Variants in CRAMP1 observed in about 807,000 individuals in gnomAD.
The protein encoded by CRAMP1 is protein cramped-like.
CRAMP1 carries 50 observed loss-of-function variants against 115.4 expected under a neutral mutation model. The ratio of observed to expected loss-of-function variants is 0.43; its 90% CI spans 0.35 to 0.55. The LOEUF is 0.55. Ranked by LOEUF, CRAMP1 falls within the 20% of genes least tolerant of loss-of-function variation. The pLI, the probability that CRAMP1 is intolerant of heterozygous loss-of-function variation, is 0.01. For missense variants in CRAMP1, 1,679 were observed against 1,721.7 expected, an observed-to-expected ratio of 0.98 and a Z score of 0.44; for synonymous variants, 866 against 745.4, an observed-to-expected ratio of 1.16 and a Z score of -2.64.
At chr16:1,646,803 C>G (rs1026212360) in intron 6 of CRAMP1, among the ~76,000 whole-genome samples, 8 of 152,206 alleles carry the variant, frequency 5.3e-5, no homozygotes, top group African/African-American at 1.9e-4. Context: ...ACATTTAAAT[C>G]CATGATCTGC....
chr16:1,642,072 C>G (rs1456401648), intron 6 of CRAMP1, among the ~76,000 whole-genome samples: 1 of 152,226 alleles, frequency 6.6e-6, no homozygotes, highest in Non-Finnish European at 1.5e-5. Context: ...GCTGACTGCT[C>G]TCAGTTCACT....
chr16:1,640,642 A>G (rs1359401701), intron 5 of CRAMP1, among the ~76,000 whole-genome samples: 3 of 152,042 alleles, frequency 2.0e-5, no homozygotes, highest in Non-Finnish European at 4.4e-5. Flanking sequence ...GCTCCAGGAA[A>G]CTCAGAGGGT....
chr16:1,636,696 T>A (rs536779188), intron 4 of CRAMP1, among the ~76,000 whole-genome samples: 54 of 152,328 alleles, frequency 3.5e-4, no homozygotes, highest in African/African-American at 1.2e-3. Context: ...TTAGGTCTGG[T>A]GTAATACAGT....
intron 3 of CRAMP1, among the ~76,000 whole-genome samples, chr16:1,631,024 A>G (rs1205807147): frequency 1.3e-5 from 2 of 152,008 alleles, no homozygotes; most frequent in Non-Finnish European, 2.9e-5. Flanking sequence ...AGGCTGTGTA[A>G]ATACCGTGTT....
intron 2 of CRAMP1, among the ~76,000 whole-genome samples, chr16:1,623,769 T>A (rs1041695141): frequency 6.6e-6 from 1 of 152,242 alleles, no homozygotes; most frequent in Non-Finnish European, 1.5e-5. Context: ...AAATGGCATC[T>A]GTACCTGTCC....
intron 1 of CRAMP1, among the ~76,000 whole-genome samples, 84 bp downstream of exon 1, chr16:1,612,741 G>A (rs971903240): frequency 5.9e-5 from 9 of 152,152 alleles, no homozygotes; most frequent in Non-Finnish European, 1.2e-4. Context: ...CGCGGGGGGG[G>A]CGTCGCTTCC....
chr16:1,636,986 GC>G (rs1233659061), intron 4 of CRAMP1, among the ~76,000 whole-genome samples: 1 of 152,162 alleles, frequency 6.6e-6, no homozygotes, highest in Non-Finnish European at 1.5e-5. Context: ...CAGCCTGTTT[GC>G]CTCCCAAATA....
Position 1,672,285 on chromosome 16 carries a change from G to A in CRAMP1, c.3645+1476G>A, listed in dbSNP as rs79778317. Among the ~76,000 whole-genome samples the A allele has an allele frequency of 0.022, 3,381 of 152,280 alleles. 234 individuals carry two copies. Among genetic ancestry groups the A allele is most frequent in the Admixed American group, 0.13 (1,972 of 15,294 alleles). Reference sequence around the variant, plus strand: ...AGTTAGTATTTGTGAAACGCTGCCCGTCGCGAGTAATGCAAACGTGTTCAC... The same window carrying A: ...AGTTAGTATTTGTGAAACGCTGCCCATCGCGAGTAATGCAAACGTGTTCAC... On this transcript the variant is annotated intron_variant, in intron 20 of 20. Coordinates refer to ENST00000397412, the MANE Select transcript of CRAMP1 (RefSeq NM_020825.4). The surrounding 1 kb of genome is among the most constrained non-coding windows in gnomAD (Gnocchi z 4.9).
chr16:1,673,698 TAAAGA>T (rs1361798540), intron 20 of CRAMP1, among the ~76,000 whole-genome samples, 178 bp from the exon 21 acceptor site: 1 of 152,176 alleles, frequency 6.6e-6, no homozygotes, highest in Admixed American at 6.5e-5. Flanking sequence ...AGCACTTATC[TAAAGA>T]GTGTGCGGGC....
intron 5 of CRAMP1, among the ~76,000 whole-genome samples, chr16:1,638,360 C>T (rs2036605264): frequency 6.6e-6 from 1 of 152,224 alleles, no homozygotes; most frequent in Non-Finnish European, 1.5e-5. Flanking sequence ...TCAGTCAGGG[C>T]TTCTGTCAAG....
chr16:1,658,009 C>T (rs2036790698), intron 10 of CRAMP1, among the ~76,000 whole-genome samples: 1 of 152,194 alleles, frequency 6.6e-6, no homozygotes, highest in Non-Finnish European at 1.5e-5. Context: ...CCCCCACACA[C>T]CCACTGCTCC....
chr16:1,650,644 A>G (rs1343596892), intron 6 of CRAMP1, among the ~76,000 whole-genome samples: 2 of 152,248 alleles, frequency 1.3e-5, no homozygotes, highest in Non-Finnish European at 1.5e-5. Flanking sequence ...AGATACATAT[A>G]GAGATGAAGA....
At chr16:1,663,289 C>T (rs945030391) in intron 13 of CRAMP1, among the ~76,000 whole-genome samples, 1 of 152,176 alleles carries the variant, frequency 6.6e-6, no homozygotes, top group Admixed American at 6.5e-5. Context: ...GGCATTCTGA[C>T]GCATAAAAAT....
intron 3 of CRAMP1, among the ~76,000 whole-genome samples, chr16:1,631,453 T>C (rs1315937900): frequency 1.3e-5 from 2 of 152,258 alleles, no homozygotes; most frequent in Non-Finnish European, 2.9e-5. Context: ...TTGGCTGTTT[T>C]TCCTGGGAGC....
Position 1,653,014 on chromosome 16 carries a change from T to A in CRAMP1, c.914-19T>A. On this transcript the variant is annotated intron_variant, in intron 7 of 20. Transcript: ENST00000397412. ...AAGGTTGGGCTGCACTAAACTTTCA[T>A]GGTTCTTCTGCATTGCAGGCTTGAG... The A allele has an allele frequency of 6.2e-7, 1 of 1,613,448 alleles. No homozygotes were observed. Among genetic ancestry groups the A allele is most frequent in the Non-Finnish European group, 8.5e-7 (1 of 1,179,662 alleles).
At position 1,673,933 on chromosome 16, in the gene CRAMP1, T is replaced by G; in HGVS notation, c.3698T>G (p.Ile1233Ser). ...ATGAACGAAAACAGCATTGATTACATTTCTCGGTTCAATGACCTGGCCCAA... is the reference window on the plus strand; with the variant it reads ...ATGAACGAAAACAGCATTGATTACAGTTCTCGGTTCAATGACCTGGCCCAA... Reference protein sequence around the residue: ...CMMNENSIDYISRFNDLAQEL... With the variant: ...CMMNENSIDYSSRFNDLAQEL... Residue 1233 changes from isoleucine (I) to serine (S), a missense_variant, in exon 21 of 21, where the codon ATT (isoleucine) becomes AGT (serine). Ile to Ser is a moderately radical substitution (Grantham distance 142). Transcript: ENST00000397412. 2 of 1,613,808 alleles carry G rather than the reference T, an allele frequency of 1.2e-6. No homozygotes were observed. The highest frequency in any genetic ancestry group is 1.7e-6 in the Non-Finnish European group (2 of 1,179,840).
In CRAMP1 at chr16:1,669,493, C is replaced by A. The variant is rs143004895; in HGVS notation, c.3499+328C>A. 6.6e-6 allele frequency among the ~76,000 whole-genome samples: 1 copy of A among 152,174 alleles called. No individual in the cohort carries two copies. Among genetic ancestry groups the A allele is most frequent in the South Asian group, 2.1e-4 (1 of 4,830 alleles). On this transcript the variant is annotated intron_variant, in intron 19 of 20. Transcript: ENST00000397412. This position sits in a 1 kb window ranked among gnomAD's most constrained non-coding sequence, Gnocchi z 4.6. ...TCTGTTCAGCTAGCCCGGCCCCTCC[C>A]GACTGGGTTCTCTTGAGGGGAGAAA...
chr16:1,638,954 G>A (rs2036610616), intron 5 of CRAMP1, among the ~76,000 whole-genome samples: 1 of 151,908 alleles, frequency 6.6e-6, no homozygotes, highest in Non-Finnish European at 1.5e-5. Flanking sequence ...ACCTCCTCCA[G>A]CCTGCCTCTC....
At chr16:1,651,436 T>G (rs531707540) in intron 6 of CRAMP1, among the ~76,000 whole-genome samples, 1 of 140,370 alleles carries the variant, frequency 7.1e-6, no homozygotes, top group East Asian at 2.3e-4. Context: ...TAGAGGTGAA[T>G]TGTCACACAG....
Sources: allele counts gnomAD v4.1 joint callset (sites outside exome capture counted in the v4.1 genomes callset), GRCh38; gene constraint gnomAD v4.1.1; non-coding constraint Gnocchi (gnomAD v3.1); transcripts MANE v1.5; gene names NCBI Gene and HGNC (gene_info 2026-07-23, HGNC 2026-07-21).